SLC12A4: variants seen among roughly 807,000 people sequenced by gnomAD.
SLC12A4 encodes electroneutral potassium-chloride cotransporter 1.
A neutral mutation model predicts 119.2 loss-of-function variants in SLC12A4; 84 were observed. That is an observed-to-expected ratio of 0.70 (90% CI 0.59 to 0.85). The LOEUF (loss-of-function observed/expected upper bound fraction) is 0.85, where lower values mean the gene tolerates loss of function less well. Among genes scored for constraint, SLC12A4 ranks in the 40% least tolerant of loss-of-function variants. The pLI, the probability that SLC12A4 is intolerant of heterozygous loss-of-function variation, is 0.00. For missense variants in SLC12A4, 1,298 were observed against 1,476.3 expected, an observed-to-expected ratio of 0.88 and a Z score of 1.98; for synonymous variants, 599 against 604.6, an observed-to-expected ratio of 0.99 and a Z score of 0.14.
chr16:67,964,639 C>T (rs1458261853), intron 1 of SLC12A4, among the ~76,000 whole-genome samples: 3 of 152,334 alleles, frequency 2.0e-5, no homozygotes, highest in Non-Finnish European at 4.4e-5. Context: ...GTAGTTCTGA[C>T]ATGAGAAGGA....
rs1481175425 is a variant in SLC12A4, at chr16:67,950,237, G to C, written c.1629+82C>G. The C allele has an allele frequency of 8.6e-6, 13 of 1,505,410 alleles. No individual in the cohort carries two copies. Among genetic ancestry groups the C allele is most frequent in the Non-Finnish European group, 1.1e-5 (12 of 1,108,904 alleles). 93.3% of individuals were successfully genotyped at this position (1,505,410 alleles called of 1,614,324 possible). A position where few individuals can be genotyped will look rare whatever the true frequency, so the allele number is the denominator to read the frequency against. On this transcript the variant is annotated intron_variant, in intron 12 of 23. Coordinates refer to ENST00000316341, the MANE Select transcript of SLC12A4 (RefSeq NM_005072.5). This position sits in a 1 kb window ranked among gnomAD's most constrained non-coding sequence, Gnocchi z 4.3. ...GGGGCCAATAAGGGCAGGACGTGCT[G>C]CATCTGTGTTCCCTATCTCTCTCCC...
chr16:67,945,206 A>C lies in SLC12A4; in HGVS notation c.3047T>G (p.Val1016Gly). The C allele has an allele frequency of 1.3e-6, 2 of 1,561,654 alleles. No homozygotes were observed. Among genetic ancestry groups the C allele is most frequent in the Non-Finnish European group, 1.7e-6 (2 of 1,152,552 alleles). ...LVHIKPDQSN[V>G]RRMHTAVKLN... The stretch of plus-strand genomic sequence containing the variant: ...CTTCACAGCAGTGTGCATGCGCCGC[A>C]CATTGGATTGGTCCCTACACGTAGT... Residue 1016 changes from valine to glycine, a missense_variant, in exon 23 of 24, where the codon GTG (valine) becomes GGG (glycine). Val to Gly is a moderately radical substitution (Grantham distance 109, BLOSUM62 -3). Transcript: ENST00000316341.
intron 5 of SLC12A4, among the ~76,000 whole-genome samples, chr16:67,955,448 G>A (rs1239030900): frequency 2.6e-5 from 4 of 152,178 alleles, no homozygotes; most frequent in African/African-American, 7.2e-5. Flanking sequence ...TTGGCTGGGC[G>A]TGGTGGCTCA....
intron 6 of SLC12A4, chr16:67,954,244 G>A (rs2030118047): frequency 6.1e-6 from 2 of 327,542 alleles, no homozygotes; most frequent in Non-Finnish European, 1.2e-5. Context: ...AGGAGAAGGT[G>A]GATCTGAAGT....
In SLC12A4 at chr16:67,945,379, G is replaced by C; in HGVS notation, c.3022C>G (p.His1008Asp). The change falls in exon 22 of 24, where the codon CAC becomes GAC. Residue 1008 changes from histidine to aspartate, a missense_variant. Coordinates refer to ENST00000316341, the MANE Select transcript of SLC12A4 (RefSeq NM_005072.5). ...TTTTGCTGCACTCACGGCTTAATGTGCACCAGCTCCCGGAAATTGTCAGGG... is the reference window on the plus strand; with the variant it reads ...TTTTGCTGCACTCACGGCTTAATGTCCACCAGCTCCCGGAAATTGTCAGGG... ...HAPDNFRELVHIKPDQSNVRR... is the reference protein window; with the variant it reads ...HAPDNFRELVDIKPDQSNVRR... The C allele has an allele frequency of 6.2e-7, 1 of 1,613,518 alleles. No individual in the cohort carries two copies. Among genetic ancestry groups the C allele is most frequent in the Non-Finnish European group, 8.5e-7 (1 of 1,179,688 alleles).
intron 1 of SLC12A4, chr16:67,966,669 A>G: frequency 6.6e-7 from 1 of 1,508,284 alleles, no homozygotes; most frequent in East Asian, 2.5e-5. Context: ...GAACTGGGGA[A>G]GGGGCAGGAG....
Position 67,949,742 on chromosome 16 carries a change from G to T in SLC12A4, c.1748+58C>A. The T allele has an allele frequency of 8.5e-7, 1 of 1,174,720 alleles. No individual in the cohort carries two copies. The highest frequency in any genetic ancestry group is 1.2e-6 in the Non-Finnish European group (1 of 810,340). The allele number at this position is 1,174,720 out of a possible 1,614,324, so 72.8% of individuals were successfully genotyped here. A position where few individuals can be genotyped will look rare whatever the true frequency, so the allele number is the denominator to read the frequency against. On this transcript the variant is annotated intron_variant, in intron 13 of 23. Transcript: ENST00000316341. This position sits in a 1 kb window ranked among gnomAD's most constrained non-coding sequence, Gnocchi z 4.6. Reference sequence around the variant, plus strand: ...CCAACACCAGACGCAGCCACGGGGAGGTGCTGGGGTTCAGGAAGCCTTTCC... The same window carrying T: ...CCAACACCAGACGCAGCCACGGGGATGTGCTGGGGTTCAGGAAGCCTTTCC...
intron 3 of SLC12A4, among the ~76,000 whole-genome samples, chr16:67,958,857 C>T (rs1212493608): frequency 6.6e-6 from 1 of 152,110 alleles, no homozygotes; most frequent in African/African-American, 2.4e-5. Flanking sequence ...GGAAGATGTC[C>T]GAAGGTTGCC....
rs1389992080 is a variant in SLC12A4 at position 67,950,482 on chromosome 16, C to G, written c.1466G>C (p.Gly489Ala). 1 of 1,613,886 alleles carries G rather than the reference C, an allele frequency of 6.2e-7. No individual in the cohort carries two copies. Among genetic ancestry groups the G allele is most frequent in the African/African-American group, 1.3e-5 (1 of 74,936 alleles). Reference sequence around the variant, plus strand: ...GCCCACCACCAAGTTCCTGCTGACACCATCGCCATACCTGCAGGGGCCACC... The same window carrying G: ...GCCCACCACCAAGTTCCTGCTGACAGCATCGCCATACCTGCAGGGGCCACC... ...GVVLRDKYGD[G>A]VSRNLVVGTL... The change falls in exon 12 of 24, where the codon GGT becomes GCT. Residue 489 changes from glycine to alanine, a missense_variant. Gly to Ala is a moderately conservative substitution (Grantham distance 60). Transcript: ENST00000316341. The surrounding 1 kb of genome is among the most constrained non-coding windows in gnomAD (Gnocchi z 4.3).
chr16:67,964,086 G>A (rs931275666), intron 1 of SLC12A4: 312 of 1,525,418 alleles, frequency 2.0e-4, no homozygotes, highest in Non-Finnish European at 2.6e-4. Flanking sequence ...CGTCCTGCAG[G>A]GCAGCCCGGG....
intron 6 of SLC12A4, among the ~76,000 whole-genome samples, 167 bp from the exon 7 acceptor site, chr16:67,952,592 A>G (rs1402215921): frequency 6.6e-6 from 1 of 151,358 alleles, no homozygotes; most frequent in African/African-American, 2.4e-5. Flanking sequence ...TGAGGTCAGG[A>G]GATCATGACT....
intron 22 of SLC12A4, 60 bp from the exon 23 acceptor site, chr16:67,945,280 C>T (rs778410873): frequency 4.5e-6 from 7 of 1,563,246 alleles, no homozygotes; most frequent in Non-Finnish European, 5.2e-6. Flanking sequence ...AGGGTCCCCA[C>T]CCCTGGCCCA....
chr16:67,947,676 A>G lies in SLC12A4; in HGVS notation c.1960T>C (p.Tyr654His). The G allele has an allele frequency of 6.3e-7, 1 of 1,597,842 alleles. No homozygotes were observed. Among genetic ancestry groups the G allele is most frequent in the Non-Finnish European group, 8.5e-7 (1 of 1,172,754 alleles). Residue 654 changes from tyrosine to histidine, a missense_variant, in exon 15 of 24, where the codon TAC (tyrosine) becomes CAC (histidine). Physicochemically the swap from Tyr to His is moderately conservative, Grantham distance 83. Coordinates refer to ENST00000316341, the MANE Select transcript of SLC12A4 (RefSeq NM_005072.5). ...GTGGCAGTGCTCACTCACCCTTGGT[A>G]CTCGATGTATTTGTAGATCATGCCG... is the stretch of plus-strand genomic sequence containing the variant. ...IAGMIYKYIE[Y>H]QGAEKEWGDG...
intron 3 of SLC12A4, among the ~76,000 whole-genome samples, chr16:67,958,888 C>T (rs1598226320): frequency 6.6e-6 from 1 of 152,144 alleles, no homozygotes; most frequent in African/African-American, 2.4e-5. Context: ...TTGGTTCTCC[C>T]TCTCACATTC....
chr16:67,947,192 C>T, intron 16 of SLC12A4, 87 bp from the exon 17 acceptor site: 1 of 1,517,640 alleles, frequency 6.6e-7, no homozygotes, highest in South Asian at 1.2e-5. Flanking sequence ...GGTCGTGGTC[C>T]CTGCAGGTTT....
chr16:67,945,452 C>T lies in SLC12A4; in HGVS notation c.2949G>A (p.Thr983=), dbSNP rs1357570392. The T allele has an allele frequency of 3.7e-6, 6 of 1,614,016 alleles. 1 individual carries two copies. In the African/African-American group the frequency reaches 4.0e-5, roughly 11 times the overall value. ...SAVGADKIQM[T]WTRDKYMTET... is the part of the protein sequence containing the mutation. ...CAGTCATGTACTTGTCCCTGGTCCA[C>T]GTCATCTGGATCTTGTCAGCCCCCA... Residue 983 remains threonine, a synonymous_variant, in exon 22 of 24, where the codon ACG becomes ACA. Coordinates refer to ENST00000316341, the MANE Select transcript of SLC12A4 (RefSeq NM_005072.5).
intron 1 of SLC12A4, chr16:67,964,129 T>G (rs1410740363): frequency 6.7e-7 from 1 of 1,493,638 alleles, no homozygotes; most frequent in Non-Finnish European, 9.0e-7. Context: ...CCCCAGGCCG[T>G]GGAGAGCGGA....
intron 6 of SLC12A4, 48 bp downstream of exon 6, chr16:67,954,595 G>A: frequency 1.2e-6 from 2 of 1,609,796 alleles, no homozygotes; most frequent in Non-Finnish European, 1.7e-6. Flanking sequence ...GAGTCCAAAG[G>A]GACTGTTTGG....
intron 3 of SLC12A4, among the ~76,000 whole-genome samples, chr16:67,959,361 C>T (rs745456932): frequency 6.6e-6 from 1 of 152,114 alleles, no homozygotes; most frequent in Non-Finnish European, 1.5e-5. Flanking sequence ...GAAAATCATA[C>T]GGGGAGAGGG....
Sources: gnomAD v4.1 joint callset for allele counts (sites outside exome capture counted in the v4.1 genomes callset) on GRCh38, gnomAD v4.1.1 for gene constraint, Gnocchi (gnomAD v3.1) non-coding constraint, MANE v1.5 for transcripts, NCBI Gene and HGNC (gene_info 2026-07-23, HGNC 2026-07-21) for gene names.